POU2AF2: variants seen among roughly 807,000 people sequenced by gnomAD.
POU2AF2 encodes the protein POU domain class 2-associating factor 2.
the POU2AF2 span, among the ~76,000 whole-genome samples, chr11:111,247,596 G>A: frequency 1.3e-5 from 2 of 151,930 alleles, no homozygotes; most frequent in Admixed American, 1.3e-4. Flanking sequence ...AACCATCCTG[G>A]CCAACATGGT....
At chr11:111,284,274 G>A in the POU2AF2 span, 32 of 1,613,890 alleles carry the variant, frequency 2.0e-5, no homozygotes, top group Admixed American at 4.2e-4. Context: ...GGAGACTACC[G>A]GCCTCCGGCG....
At chr11:111,284,806 T>C in the POU2AF2 span, among the ~76,000 whole-genome samples, 4 of 152,166 alleles carry the variant, frequency 2.6e-5, no homozygotes, top group East Asian at 7.7e-4. Flanking sequence ...CTCCTCTTTC[T>C]TTCCAAGTCC....
the POU2AF2 span, among the ~76,000 whole-genome samples, chr11:111,276,453 A>AAATATATATAT: frequency 6.9e-3 from 258 of 37,308 alleles, 3 homozygotes; most frequent in Non-Finnish European, 9.1e-3. Context: ...AAAAAAAAAA[A>AAATATATATAT]ATATATATAT....
chr11:111,273,552 T>G, the POU2AF2 span, among the ~76,000 whole-genome samples: 1 of 152,252 alleles, frequency 6.6e-6, no homozygotes, highest in East Asian at 1.9e-4. Context: ...TCTTTAAGTT[T>G]GAAGACTTAT....
At chr11:111,284,147 A>C in the POU2AF2 span, 2 of 1,614,120 alleles carry the variant, frequency 1.2e-6, no homozygotes, top group Admixed American at 1.7e-5. Context: ...CCACAACAGT[A>C]AACAGTTTTC....
the POU2AF2 span, among the ~76,000 whole-genome samples, chr11:111,261,045 TCAAAAGAGAC>T: frequency 6.6e-6 from 1 of 152,250 alleles, no homozygotes; most frequent in Admixed American, 6.5e-5. Context: ...ATCCCTTGCA[TCAAAAGAGAC>T]TTTTACCAAA....
chr11:111,285,618 G>GTGAATAACC, the POU2AF2 span: 2 of 1,587,602 alleles, frequency 1.3e-6, no homozygotes, highest in South Asian at 2.3e-5. Flanking sequence ...GTGTCACCTA[G>GTGAATAACC]TGAATAACCT....
the POU2AF2 span, among the ~76,000 whole-genome samples, chr11:111,263,063 T>C: frequency 6.6e-6 from 1 of 152,198 alleles, no homozygotes; most frequent in African/African-American, 2.4e-5. Flanking sequence ...TCTACTTATT[T>C]AACAAAAATC....
At chr11:111,276,457 T>TAG in the POU2AF2 span, among the ~76,000 whole-genome samples, 1 of 34,124 alleles carries the variant, frequency 2.9e-5, no homozygotes, top group Non-Finnish European at 5.4e-5. Context: ...AAAAAAAATA[T>TAG]ATATATATAT....
chr11:111,285,506 C>A, the POU2AF2 span: 2 of 717,808 alleles, frequency 2.8e-6, no homozygotes, highest in East Asian at 3.1e-5. Flanking sequence ...GTGTCAAAAG[C>A]CGGAGAGAAG....
the POU2AF2 span, among the ~76,000 whole-genome samples, chr11:111,276,641 CA>C: frequency 0.39 from 38,956 of 100,606 alleles, 5,657 homozygotes; most frequent in Admixed American, 0.45. Flanking sequence ...GATTCCATCA[CA>C]AAAAAAAAAA....
chr11:111,256,417 T>C, the POU2AF2 span, among the ~76,000 whole-genome samples: 1 of 152,256 alleles, frequency 6.6e-6, no homozygotes, highest in African/African-American at 2.4e-5. Flanking sequence ...CTATATGCCC[T>C]TGGAAACAGA....
At chr11:111,247,099 A>G in the POU2AF2 span, among the ~76,000 whole-genome samples, 1 of 152,120 alleles carries the variant, frequency 6.6e-6, no homozygotes, top group East Asian at 1.9e-4. Context: ...CACTTAGCAT[A>G]ATGTCCTCCA....
the POU2AF2 span, among the ~76,000 whole-genome samples, chr11:111,271,421 T>C: frequency 7.2e-5 from 11 of 152,226 alleles, no homozygotes; most frequent in East Asian, 2.1e-3. Context: ...ATTTCTTTTT[T>C]TTCTTTTCTT....
At chr11:111,257,854 A>C in the POU2AF2 span, among the ~76,000 whole-genome samples, 3 of 152,156 alleles carry the variant, frequency 2.0e-5, no homozygotes, top group Non-Finnish European at 4.4e-5. Context: ...ACAGTATCTC[A>C]TGACTGTAAT....
At chr11:111,285,757 G>C in the POU2AF2 span, 1 of 1,613,368 alleles carries the variant, frequency 6.2e-7, no homozygotes, top group Non-Finnish European at 8.5e-7. Context: ...GCCTCTCCCA[G>C]CTTGAGTCCG....
the POU2AF2 span, among the ~76,000 whole-genome samples, chr11:111,269,934 A>G: frequency 6.6e-6 from 1 of 152,234 alleles, no homozygotes; most frequent in Non-Finnish European, 1.5e-5. Flanking sequence ...CCAGCAATTG[A>G]AGACAGTTGA....
At chr11:111,264,715 A>AAGAG in the POU2AF2 span, among the ~76,000 whole-genome samples, 2 of 148,542 alleles carry the variant, frequency 1.3e-5, no homozygotes, top group Non-Finnish European at 3.0e-5. Context: ...AAAGAAGAAG[A>AAGAG]AGAGAAAGAA....
the POU2AF2 span, chr11:111,285,534 G>T: frequency 5.7e-6 from 6 of 1,052,938 alleles, no homozygotes; most frequent in Non-Finnish European, 8.0e-6. Flanking sequence ...TGAGAGCCAG[G>T]CTTCAGGCAG....
Sources: gnomAD v4.1 joint callset for allele counts (sites outside exome capture counted in the v4.1 genomes callset) on GRCh38, gnomAD v4.1.1 for gene constraint, MANE v1.5 for transcripts, NCBI Gene and HGNC (gene_info 2026-07-23, HGNC 2026-07-21) for gene names.